PTPRJ: variants seen among roughly 807,000 people sequenced by gnomAD.
PTPRJ encodes the protein protein tyrosine phosphatase receptor type J.
Under a neutral mutation model 141.3 loss-of-function variants are expected in PTPRJ, and 129 were observed. That is an observed-to-expected ratio of 0.91 (90% CI 0.79 to 1.06). PTPRJ has a LOEUF of 1.06. PTPRJ is among the 50% of genes least tolerant of loss of function. The pLI is 0.00. For missense variants in PTPRJ, 1,601 were observed against 1,679.7 expected (o/e 0.95, Z 0.82); for synonymous variants, 610 against 640.5 (o/e 0.95, Z 0.72).
intron 1 of PTPRJ, among the ~76,000 whole-genome samples, chr11:48,070,550 GA>G (rs1248382413): frequency 6.7e-6 from 1 of 150,176 alleles, no homozygotes; most frequent in African/African-American, 2.5e-5. Context: ...GGACTCAGTA[GA>G]TCAGTAGATT....
intron 1 of PTPRJ, among the ~76,000 whole-genome samples, chr11:48,000,800 C>T (rs1854476146): frequency 6.6e-6 from 1 of 151,996 alleles, no homozygotes; most frequent in Non-Finnish European, 1.5e-5. Flanking sequence ...TCTGTCTCCC[C>T]ACCTCTTGGA....
chr11:48,056,025 G>T (rs1425510687), intron 1 of PTPRJ, among the ~76,000 whole-genome samples: 1 of 152,200 alleles, frequency 6.6e-6, no homozygotes, highest in Non-Finnish European at 1.5e-5. Flanking sequence ...TTCTGGGGAG[G>T]AAGTGGGTTT....
chr11:48,144,899 G>A lies in PTPRJ; in HGVS notation c.2786+14G>A. 1 of 1,614,000 alleles carries A rather than the reference G, an allele frequency of 6.2e-7. No homozygotes were observed. Among genetic ancestry groups the A allele is most frequent in the Non-Finnish European group, 8.5e-7 (1 of 1,179,946 alleles). On this transcript the variant is annotated intron_variant, in intron 13 of 24. Transcript: ENST00000418331. ...GGGCTCCTACCGGTAATGTCTTCTGGTTCTTACTCTTTGGGGGCTGAGCCT... is the reference window on the plus strand; with the variant it reads ...GGGCTCCTACCGGTAATGTCTTCTGATTCTTACTCTTTGGGGGCTGAGCCT...
Position 48,169,899 on chromosome 11 carries a change from T to C in PTPRJ, c.*2537T>C, listed in dbSNP as rs1212065745. On this transcript the variant is annotated 3_prime_UTR_variant, in exon 25 of 25. Coordinates refer to ENST00000418331, the MANE Select transcript of PTPRJ (RefSeq NM_002843.4). ...TGGGCAGGTCACACGAAGGTCACGA[T>C]GCTTCTCTGCATCCTGAAAAGGGCT... 6.6e-6 allele frequency: 1 copy of C among 152,196 alleles called. No individual in the cohort carries two copies. The highest frequency in any genetic ancestry group is 1.5e-5 in the Non-Finnish European group (1 of 68,078). The allele number at this position is 152,196 out of a possible 1,614,324, so 9.4% of individuals were successfully genotyped here. A position where few individuals can be genotyped will look rare whatever the true frequency, so the allele number is the denominator to read the frequency against.
chr11:48,126,172 C>T (rs1457256808), intron 6 of PTPRJ, among the ~76,000 whole-genome samples: 2 of 152,170 alleles, frequency 1.3e-5, no homozygotes, highest in African/African-American at 4.8e-5. Context: ...GGGCTGGGTC[C>T]AGCCAGGGGA....
intron 2 of PTPRJ, 95 bp from the exon 3 acceptor site, chr11:48,112,652 G>A: frequency 3.4e-6 from 3 of 876,580 alleles, no homozygotes; most frequent in East Asian, 2.4e-5. Context: ...TTCCAAGTGT[G>A]CATTTCATTT....
intron 1 of PTPRJ, among the ~76,000 whole-genome samples, chr11:48,077,459 A>G (rs1343857860): frequency 1.3e-5 from 2 of 152,178 alleles, no homozygotes; most frequent in Non-Finnish European, 2.9e-5. Context: ...GCTTGGAGTG[A>G]CCGACTCTTC....
chr11:48,169,429 C>T lies in PTPRJ; in HGVS notation c.*2067C>T, dbSNP rs1858002711. Reference sequence around the variant, plus strand: ...GTGTGAATCAGGGAAGCCACATTGTCCTCAGGGTGCTGTATGAAGCTGGGT... The same window carrying T: ...GTGTGAATCAGGGAAGCCACATTGTTCTCAGGGTGCTGTATGAAGCTGGGT... On this transcript the variant is annotated 3_prime_UTR_variant, in exon 25 of 25. Transcript: ENST00000418331. 6.6e-6 allele frequency: 1 copy of T among 152,184 alleles called. No individual in the cohort carries two copies. The highest frequency in any genetic ancestry group is 1.9e-4 in the East Asian group (1 of 5,176). The allele number at this position is 152,184 out of a possible 1,614,324, so 9.4% of individuals were successfully genotyped here. A position where few individuals can be genotyped will look rare whatever the true frequency, so the allele number is the denominator to read the frequency against.
chr11:48,076,940 T>G (rs1178924895), intron 1 of PTPRJ, among the ~76,000 whole-genome samples: 1 of 152,158 alleles, frequency 6.6e-6, no homozygotes, highest in Non-Finnish European at 1.5e-5. Context: ...CCATCTCAGC[T>G]CACTGCAACC....
intron 3 of PTPRJ, among the ~76,000 whole-genome samples, chr11:48,115,965 A>G (rs908240237): frequency 1.3e-5 from 2 of 152,198 alleles, no homozygotes; most frequent in African/African-American, 4.8e-5. Context: ...AAAACATACT[A>G]CTAGAGAATA....
Position 48,144,749 on chromosome 11 carries a change from A to T in PTPRJ, c.2650A>T (p.Thr884Ser), listed in dbSNP as rs1354686941. The T allele has an allele frequency of 6.2e-7, 1 of 1,614,086 alleles. No individual in the cohort carries two copies. The highest frequency in any genetic ancestry group is 1.1e-5 in the South Asian group (1 of 91,080). ...AAAGGGAGCCTCAGATACTTATGTG[A>T]CATACCTCATAAGAACAGAAGAAAA... ...FKKGASDTYV[T>S]YLIRTEEKGR... Residue 884 changes from threonine to serine, a missense_variant, in exon 13 of 25, where the codon ACA (threonine) becomes TCA (serine). By Grantham distance (58) the Thr-to-Ser change is moderately conservative (BLOSUM62 1). Transcript: ENST00000418331.
rs2626566 is a variant in PTPRJ, at chr11:48,000,560, C to T, written c.96+19552C>T. On this transcript the variant is annotated intron_variant, in intron 1 of 24. Transcript: ENST00000418331. ...GTCTGCAAGACTCTGAACCTTAGAT[C>T]AGGATGATCAGACCCCTCCCTCCCC... Among the ~76,000 whole-genome samples the T allele has an allele frequency of 5.1e-3, 781 of 152,198 alleles. 8 individuals are homozygous for T. Among genetic ancestry groups the T allele is most frequent in the African/African-American group, 0.018 (756 of 41,504 alleles).
chr11:48,040,945 GT>G (rs936705484), intron 1 of PTPRJ, among the ~76,000 whole-genome samples: 18 of 152,014 alleles, frequency 1.2e-4, no homozygotes, highest in Non-Finnish European at 2.2e-4. Flanking sequence ...AGAGCTCCGG[GT>G]TGTCCTGCAC....
At chr11:47,996,650 C>A (rs1461329903) in intron 1 of PTPRJ, among the ~76,000 whole-genome samples, 1 of 152,256 alleles carries the variant, frequency 6.6e-6, no homozygotes, top group Admixed American at 6.5e-5. Flanking sequence ...TCCTTGTTAA[C>A]ACGACATCTC....
intron 1 of PTPRJ, among the ~76,000 whole-genome samples, chr11:47,987,554 A>G (rs1476364978): frequency 6.6e-6 from 1 of 152,208 alleles, no homozygotes; most frequent in Non-Finnish European, 1.5e-5. Flanking sequence ...GTGATGTAGG[A>G]TGTGACTGTG....
chr11:48,047,923 G>A (rs997214611), intron 1 of PTPRJ, among the ~76,000 whole-genome samples: 1 of 152,098 alleles, frequency 6.6e-6, no homozygotes, highest in African/African-American at 2.4e-5. Context: ...GTCTTGTGGG[G>A]GCTTTTGTGG....
chr11:48,078,795 GTTTTTT>G lies in PTPRJ; in HGVS notation c.97-31244_97-31239del, dbSNP rs55980751. Among the ~76,000 whole-genome samples, 453 of 96,278 alleles carry G rather than the reference GTTTTTT, an allele frequency of 4.7e-3. 1 individual carries two copies. The highest frequency in any genetic ancestry group is 5.7e-3 in the Non-Finnish European group (282 of 49,260). The allele number at this position is 96,278 out of a possible 152,430, so 63.2% of individuals were successfully genotyped here. A position where few individuals can be genotyped will look rare whatever the true frequency, so the allele number is the denominator to read the frequency against. On this transcript the variant is annotated intron_variant, in intron 1 of 24. Transcript: ENST00000418331. ...ATTCAAATGTCAGTGTCTGTAAATA[GTTTTTT>G]TTTTTTTTTTTTTTTTTTGTGGAAC...
At chr11:47,996,914 C>T (rs1223551567) in intron 1 of PTPRJ, among the ~76,000 whole-genome samples, 2 of 152,206 alleles carry the variant, frequency 1.3e-5, no homozygotes, top group African/African-American at 4.8e-5. Flanking sequence ...TCTATCCGGC[C>T]ACAGAGTTTG....
At chr11:48,118,417 C>T (rs1206531674) in intron 3 of PTPRJ, among the ~76,000 whole-genome samples, 1 of 152,180 alleles carries the variant, frequency 6.6e-6, no homozygotes, top group African/African-American at 2.4e-5. Context: ...AATGACAGTT[C>T]TTCTCAATTG....
Sources: allele counts gnomAD v4.1 joint callset (sites outside exome capture counted in the v4.1 genomes callset), GRCh38; gene constraint gnomAD v4.1.1; transcripts MANE v1.5; gene names NCBI Gene and HGNC (gene_info 2026-07-23, HGNC 2026-07-21).